The following TMEM161B variants were observed in gnomAD, a reference collection of about 807,000 sequenced individuals.
TMEM161B encodes the protein transmembrane protein 161B.
Under a neutral mutation model 61.8 loss-of-function variants are expected in TMEM161B, and 34 were observed. The observed-to-expected ratio is 0.55, with a 90% CI of 0.42 to 0.73. The LOEUF is 0.73. Ranked by LOEUF, TMEM161B falls within the 30% of genes least tolerant of loss-of-function variation. TMEM161B has a pLI of 0.00. For missense variants in TMEM161B, 456 were observed against 558.5 expected (o/e 0.82, Z 1.85); for synonymous variants, 167 against 192.8 (o/e 0.87, Z 1.11).
At chr5:88,197,090 T>C (rs1011472657) in intron 11 of TMEM161B, among the ~76,000 whole-genome samples, 18 of 152,212 alleles carry the variant, frequency 1.2e-4, no homozygotes, top group Middle Eastern at 3.4e-3. Flanking sequence ...ATGCTTTTAG[T>C]TCTTTCAGGT....
chr5:88,267,846 C>T (rs1006155102), intron 1 of TMEM161B, among the ~76,000 whole-genome samples: 1 of 152,128 alleles, frequency 6.6e-6, no homozygotes, highest in Non-Finnish European at 1.5e-5. Context: ...ACAGATCAAT[C>T]GGAACAAAAT....
intron 1 of TMEM161B, among the ~76,000 whole-genome samples, chr5:88,249,838 T>C (rs535819043): frequency 6.6e-5 from 10 of 152,186 alleles, no homozygotes; most frequent in African/African-American, 2.2e-4. Flanking sequence ...CACCTCCAGA[T>C]GGCAGAGACC....
chr5:88,268,163 T>C (rs1482481226), intron 1 of TMEM161B, among the ~76,000 whole-genome samples: 1 of 152,176 alleles, frequency 6.6e-6, no homozygotes, highest in African/African-American at 2.4e-5. Context: ...CCTGCAATAT[T>C]CCTTTCGAAT....
At chr5:88,240,966 G>T in intron 1 of TMEM161B, 50 bp from the exon 2 acceptor site, 1 of 1,279,708 alleles carries the variant, frequency 7.8e-7, no homozygotes, top group Non-Finnish European at 1.1e-6. Context: ...TTGGATTTGG[G>T]GACATTGCTG....
chr5:88,203,796 T>C lies in TMEM161B; in HGVS notation c.801-721A>G, dbSNP rs1408281233. Among the ~76,000 whole-genome samples the C allele has an allele frequency of 9.0e-5, 4 of 44,328 alleles. 1 individual carries two copies. Among genetic ancestry groups the C allele is most frequent in the South Asian group, 1.4e-3 (2 of 1,426 alleles). The allele number at this position is 44,328 out of a possible 152,430, so 29.1% of individuals were successfully genotyped here. A position where few individuals can be genotyped will look rare whatever the true frequency, so the allele number is the denominator to read the frequency against. Reference sequence around the variant, plus strand: ...ATATATATATATATATATATATATATATATATATATATATATATAATTTGC... The same window carrying C: ...ATATATATATATATATATATATATACATATATATATATATATATAATTTGC... On this transcript the variant is annotated intron_variant, in intron 8 of 11. Transcript: ENST00000296595.
intron 6 of TMEM161B, 27 bp downstream of exon 6, chr5:88,207,002 A>G: frequency 2.5e-6 from 4 of 1,604,888 alleles, no homozygotes; most frequent in Non-Finnish European, 3.4e-6. Flanking sequence ...AGCAAAATTG[A>G]TTTTTAAAGT....
intron 2 of TMEM161B, among the ~76,000 whole-genome samples, chr5:88,238,403 T>C (rs916582681): frequency 4.6e-5 from 7 of 152,114 alleles, no homozygotes; most frequent in African/African-American, 1.2e-4. Context: ...AATATTAACA[T>C]GATATACACA....
At chr5:88,264,486 G>A (rs1756097022) in intron 1 of TMEM161B, among the ~76,000 whole-genome samples, 1 of 152,220 alleles carries the variant, frequency 6.6e-6, no homozygotes, top group South Asian at 2.1e-4. Context: ...CTGCTGGTGG[G>A]AGGGTAAATT....
intron 8 of TMEM161B, among the ~76,000 whole-genome samples, chr5:88,203,748 A>C (rs2112387201): frequency 1.2e-5 from 1 of 80,866 alleles, no homozygotes; most frequent in African/African-American, 4.7e-5. Flanking sequence ...TAATTTCCCT[A>C]TCATATATAT....
chr5:88,201,844 G>T (rs1308998088), intron 9 of TMEM161B: 1 of 171,544 alleles, frequency 5.8e-6, no homozygotes, highest in Non-Finnish European at 1.3e-5. Context: ...TATTTCCTGG[G>T]TTCAATAGGA....
At chr5:88,263,607 TC>T (rs1755970238) in intron 1 of TMEM161B, among the ~76,000 whole-genome samples, 3 of 152,224 alleles carry the variant, frequency 2.0e-5, no homozygotes, top group Non-Finnish European at 2.9e-5. Flanking sequence ...CAAGCTGTAT[TC>T]ATTCTTACTA....
At chr5:88,201,461 T>A (rs1274496198) in intron 9 of TMEM161B, 1 of 152,048 alleles carries the variant, frequency 6.6e-6, no homozygotes, top group African/African-American at 2.4e-5. Context: ...TAAAATAGGA[T>A]GACAACAGCA....
chr5:88,213,543 C>T (rs1265144057), intron 5 of TMEM161B, among the ~76,000 whole-genome samples: 1 of 143,290 alleles, frequency 7.0e-6, no homozygotes, highest in African/African-American at 2.5e-5. Flanking sequence ...TAATATACAA[C>T]CTTTATTTAA....
intron 1 of TMEM161B, among the ~76,000 whole-genome samples, chr5:88,260,370 T>C (rs917821505): frequency 3.9e-5 from 6 of 152,196 alleles, no homozygotes; most frequent in East Asian, 3.8e-4. Flanking sequence ...AATCAAACTA[T>C]AAAAATCATA....
chr5:88,251,870 T>C (rs766914245), intron 1 of TMEM161B, among the ~76,000 whole-genome samples: 10 of 152,130 alleles, frequency 6.6e-5, no homozygotes, highest in Non-Finnish European at 1.3e-4. Flanking sequence ...ACAAAGATGT[T>C]TGTGTTCACT....
At chr5:88,187,742 C>T (rs1748441540), downstream of TMEM161B, among the ~76,000 whole-genome samples, 1 of 147,276 alleles carries the variant, frequency 6.8e-6, no homozygotes, top group Non-Finnish European at 1.5e-5. Context: ...TAATCAACTT[C>T]ATTAATCTTT....
At chr5:88,193,632 T>C (rs936533804), downstream of TMEM161B, among the ~76,000 whole-genome samples, 4 of 152,208 alleles carry the variant, frequency 2.6e-5, no homozygotes, top group African/African-American at 4.8e-5. Flanking sequence ...TTTAGGAATA[T>C]ACATTATTCC....
rs574209212 is a variant in TMEM161B at position 88,207,720 on chromosome 5, G to A, written c.447-540C>T. On this transcript the variant is annotated intron_variant, in intron 5 of 11. Coordinates refer to ENST00000296595, the MANE Select transcript of TMEM161B (RefSeq NM_153354.5). ...TCAACATGTTCACCTATTAAAATAGGCTGAAGAGATTATCTTATCTGAACC... is the reference window on the plus strand; with the variant it reads ...TCAACATGTTCACCTATTAAAATAGACTGAAGAGATTATCTTATCTGAACC... Among the ~76,000 whole-genome samples the A allele has an allele frequency of 1.1e-4, 17 of 152,178 alleles. No individual in the cohort carries two copies. In the South Asian group the frequency reaches 3.3e-3, roughly 30 times the overall value.
downstream of TMEM161B, among the ~76,000 whole-genome samples, chr5:88,192,449 G>C (rs948239766): frequency 1.3e-5 from 2 of 152,124 alleles, no homozygotes; most frequent in East Asian, 1.9e-4. Flanking sequence ...AAAAGGAAAA[G>C]GTTGACATTA....
Sources: gnomAD v4.1 joint callset for allele counts (sites outside exome capture counted in the v4.1 genomes callset) on GRCh38, gnomAD v4.1.1 for gene constraint, MANE v1.5 for transcripts, NCBI Gene and HGNC (gene_info 2026-07-23, HGNC 2026-07-21) for gene names.